The following IQSEC1 variants were observed in gnomAD, a reference collection of about 807,000 sequenced individuals.
IQSEC1 encodes the protein IQ motif and SEC7 domain-containing protein 1.
Under a neutral mutation model 91.0 loss-of-function variants are expected in IQSEC1, and 31 were observed. The observed-to-expected ratio is 0.34, with a 90% CI of 0.26 to 0.46. IQSEC1 has a LOEUF of 0.46. Among genes scored for constraint, IQSEC1 ranks in the 20% least tolerant of loss-of-function variants. IQSEC1 has a pLI of 1.00. For synonymous variants in IQSEC1, 699 were observed against 662.6 expected (o/e 1.05, Z -0.84); for missense variants, 1,388 against 1,575.6 (o/e 0.88, Z 2.02).
At chr3:13,082,505 T>C (rs1184309968) in intron 2 of IQSEC1, among the ~76,000 whole-genome samples, 5 of 152,170 alleles carry the variant, frequency 3.3e-5, no homozygotes, top group Non-Finnish European at 7.4e-5. Context: ...GCTTTCACAC[T>C]GAGCACTGCA....
intron 1 of IQSEC1, among the ~76,000 whole-genome samples, chr3:13,200,388 G>A (rs1366916173): frequency 6.6e-6 from 1 of 152,148 alleles, no homozygotes; most frequent in Non-Finnish European, 1.5e-5. Context: ...TCCCCTCACT[G>A]ACTTCGACTT....
At chr3:13,001,116 T>C (rs1702404066) in intron 1 of IQSEC1, among the ~76,000 whole-genome samples, 1 of 150,910 alleles carries the variant, frequency 6.6e-6, no homozygotes, top group African/African-American at 2.4e-5. Flanking sequence ...AATGCCCAGC[T>C]TTTTTTTTAA....
At chr3:13,049,282 C>G (rs1182284147) in intron 1 of IQSEC1, among the ~76,000 whole-genome samples, 5 of 152,218 alleles carry the variant, frequency 3.3e-5, no homozygotes, top group African/African-American at 1.2e-4. Flanking sequence ...CAAAATGGTG[C>G]CAGGTTCCTG....
intron 1 of IQSEC1, among the ~76,000 whole-genome samples, chr3:13,179,208 G>GAGC (rs1693791512): frequency 1.3e-5 from 2 of 152,178 alleles, no homozygotes; most frequent in Non-Finnish European, 2.9e-5. Flanking sequence ...TCTGTGAGGT[G>GAGC]AGCAGCAGGA....
At chr3:13,190,288 T>G (rs971436442) in intron 1 of IQSEC1, among the ~76,000 whole-genome samples, 2 of 151,960 alleles carry the variant, frequency 1.3e-5, no homozygotes, top group Non-Finnish European at 2.9e-5. Context: ...TGAGTGCGAG[T>G]GGGGCCCGGC....
Position 12,967,728 on chromosome 3 carries a change from A to C in IQSEC1, c.24-25863T>G. ...CCGGGCCGGAGGAATGTGGCCCTGA[A>C]GTGGGCGGGGCAGGGCGGGGGCGGG... On this transcript the variant is annotated intron_variant, in intron 1 of 13. Transcript: ENST00000613206. The surrounding 1 kb of genome is among the most constrained non-coding windows in gnomAD (Gnocchi z 5.9). 1 of 1,079,370 alleles carries C rather than the reference A, an allele frequency of 9.3e-7. No homozygotes were observed. Among genetic ancestry groups the C allele is most frequent in the Non-Finnish European group, 1.1e-6 (1 of 892,822 alleles). The allele number at this position is 1,079,370 out of a possible 1,614,324, so 66.9% of individuals were successfully genotyped here.
chr3:12,985,724 T>A (rs1361836415), intron 1 of IQSEC1, among the ~76,000 whole-genome samples: 1 of 152,162 alleles, frequency 6.6e-6, no homozygotes, highest in Non-Finnish European at 1.5e-5. Flanking sequence ...TGGAGGGTGA[T>A]AAACGTTTAT....
At chr3:13,244,337 A>G (rs1269760962) in intron 1 of IQSEC1, among the ~76,000 whole-genome samples, 1 of 152,158 alleles carries the variant, frequency 6.6e-6, no homozygotes, top group Non-Finnish European at 1.5e-5. Flanking sequence ...ATAATTTAAT[A>G]CTACCATGTC....
At chr3:13,210,190 A>G (rs530544842) in intron 1 of IQSEC1, among the ~76,000 whole-genome samples, 34 of 152,192 alleles carry the variant, frequency 2.2e-4, no homozygotes, top group African/African-American at 8.2e-4. Flanking sequence ...GCTTCATCAA[A>G]TGCCACTTAT....
At chr3:13,269,011 C>G (rs2125141673) in intron 1 of IQSEC1, among the ~76,000 whole-genome samples, 1 of 152,362 alleles carries the variant, frequency 6.6e-6, no homozygotes, top group Non-Finnish European at 1.5e-5. Context: ...AGAGTCAGTC[C>G]TCAGAGGACG....
intron 1 of IQSEC1, among the ~76,000 whole-genome samples, chr3:13,270,207 C>T (rs1695570194): frequency 6.6e-6 from 1 of 152,218 alleles, no homozygotes; most frequent in African/African-American, 2.4e-5. Context: ...CACTGCCCAA[C>T]CTCTGATCTG....
chr3:12,913,421 C>T lies in IQSEC1; in HGVS notation c.2316+7G>A. ...CTGCTACAATGCCTTGTGGGTGAGC[C>T]ACATACCACCAGGAGGTCGTTGAAC... On this transcript the variant is annotated splice_region_variant and intron_variant, in intron 9 of 13. Transcript: ENST00000613206. The T allele has an allele frequency of 6.3e-7, 1 of 1,587,234 alleles. No individual in the cohort carries two copies. The highest frequency in any genetic ancestry group is 8.6e-7 in the Non-Finnish European group (1 of 1,163,996).
chr3:13,274,335 G>A (rs539223180), intron 1 of IQSEC1, among the ~76,000 whole-genome samples: 9 of 152,344 alleles, frequency 5.9e-5, no homozygotes, highest in Admixed American at 4.6e-4. Flanking sequence ...CACTCCACAG[G>A]CAGCTACAAG....
intron 6 of IQSEC1, among the ~76,000 whole-genome samples, chr3:12,917,290 A>G (rs980241039): frequency 2.0e-5 from 3 of 152,272 alleles, no homozygotes; most frequent in African/African-American, 4.8e-5. Flanking sequence ...TCCACTCCAG[A>G]TGCTGTGATT....
At chr3:13,022,418 C>A in intron 1 of IQSEC1, 1 of 1,064,234 alleles carries the variant, frequency 9.4e-7, no homozygotes, top group Non-Finnish European at 1.1e-6. Context: ...CACAACCTTG[C>A]GCCTGCCTCC....
intron 1 of IQSEC1, among the ~76,000 whole-genome samples, chr3:12,950,645 A>AT (rs1455769995): frequency 9.0e-6 from 1 of 110,520 alleles, no homozygotes. Flanking sequence ...CATCTCTACA[A>AT]ATTTTTTTTT....
intron 1 of IQSEC1, among the ~76,000 whole-genome samples, chr3:12,951,336 C>T (rs1260696552): frequency 1.3e-5 from 2 of 152,000 alleles, no homozygotes; most frequent in Admixed American, 6.6e-5. Context: ...GGCGCGAGAA[C>T]TGCTTAAACC....
rs778235395 is a variant in IQSEC1 at position 12,940,953 on chromosome 3, C to T, written c.318+618G>A. Among the ~76,000 whole-genome samples the T allele has an allele frequency of 6.6e-6, 1 of 152,194 alleles. No individual in the cohort carries two copies. The highest frequency in any genetic ancestry group is 1.5e-5 in the Non-Finnish European group (1 of 68,028). ...CCTCTTGTCCTCCCTCAAGCCCAGC[C>T]CTAGGCACACTGTGGGTCTGGGCCA... On this transcript the variant is annotated intron_variant, in intron 2 of 13. Transcript: ENST00000613206. This position sits in a 1 kb window ranked among gnomAD's most constrained non-coding sequence, Gnocchi z 4.4.
At chr3:13,011,705 T>C (rs541761425) in intron 1 of IQSEC1, among the ~76,000 whole-genome samples, 1 of 152,398 alleles carries the variant, frequency 6.6e-6, no homozygotes, top group East Asian at 1.9e-4. Flanking sequence ...TGGGGGCCTC[T>C]GGCGTCACAT....
Sources: allele counts gnomAD v4.1 joint callset (sites outside exome capture counted in the v4.1 genomes callset), GRCh38; gene constraint gnomAD v4.1.1; non-coding constraint Gnocchi (gnomAD v3.1); transcripts MANE v1.5; gene names NCBI Gene and HGNC (gene_info 2026-07-23, HGNC 2026-07-21).